Variants in GDAP1 observed in about 807,000 individuals in gnomAD.
The protein encoded by GDAP1 is ganglioside induced differentiation associated protein 1, also known as ganglioside-induced differentiation-associated protein 1.
A neutral mutation model predicts 40.1 loss-of-function variants in GDAP1; 34 were observed. The observed-to-expected ratio is 0.85, with a 90% CI of 0.64 to 1.13. The LOEUF is 1.13. Among genes scored for constraint, GDAP1 ranks in the 50% most tolerant of loss-of-function variants. The pLI is 0.00. For missense variants in GDAP1, 374 were observed against 433.7 expected (o/e 0.86, Z 1.22); for synonymous variants, 170 against 157.4 (o/e 1.08, Z -0.60).
chr8:74,390,174 T>C (rs1810086266), intron 2 of GDAP1, among the ~76,000 whole-genome samples: 1 of 152,240 alleles, frequency 6.6e-6, no homozygotes. Context: ...TTCTGAAGCC[T>C]ACTTCTGTCA....
chr8:74,379,737 C>A (rs1809918216), intron 2 of GDAP1, among the ~76,000 whole-genome samples: 1 of 152,078 alleles, frequency 6.6e-6, no homozygotes, highest in African/African-American at 2.4e-5. Context: ...CAAGCTGGTC[C>A]TCTTTTGTGG....
intron 2 of GDAP1, among the ~76,000 whole-genome samples, chr8:74,355,818 A>G: frequency 6.6e-6 from 1 of 152,120 alleles, no homozygotes; most frequent in East Asian, 1.9e-4. Flanking sequence ...TTCATGTCTT[A>G]TGTCTAGATA....
At chr8:74,355,590 A>C (rs1386132958) in intron 2 of GDAP1, among the ~76,000 whole-genome samples, 2 of 152,328 alleles carry the variant, frequency 1.3e-5, no homozygotes, top group African/African-American at 4.8e-5. Context: ...GAAAGAATGG[A>C]TGTGACAAGG....
intron 2 of GDAP1, among the ~76,000 whole-genome samples, chr8:74,392,140 C>T (rs1202644136): frequency 2.0e-5 from 3 of 152,082 alleles, no homozygotes; most frequent in Non-Finnish European, 4.4e-5. Flanking sequence ...TTTAATAATA[C>T]ATATTGATTT....
chr8:74,487,432 A>T (rs922553222), intron 2 of GDAP1, among the ~76,000 whole-genome samples: 4 of 152,178 alleles, frequency 2.6e-5, no homozygotes, highest in African/African-American at 9.7e-5. Context: ...GGGAATTAAA[A>T]CTTCTTTGTC....
At position 74,412,706 on chromosome 8, in the gene GDAP1, A is replaced by G. The variant is rs1032507941; in HGVS notation, c.165+61385A>G. ...GGGCAAAGAAACAACAAGGTGAATA[A>G]CAAGATGAAATAAACACTTAAACAT... On this transcript the variant is annotated intron_variant, in intron 2 of 2. Transcript: ENST00000523640. Among the ~76,000 whole-genome samples the G allele has an allele frequency of 8.0e-5, 12 of 149,960 alleles. 1 individual carries two copies. The highest frequency in any genetic ancestry group is 3.1e-4 in the African/African-American group (12 of 39,292).
At position 74,399,742 on chromosome 8, in the gene GDAP1, A is replaced by T. The variant is rs1204683326; in HGVS notation, c.165+48421A>T. On this transcript the variant is annotated intron_variant, in intron 2 of 2. Coordinates refer to the GDAP1 transcript ENST00000523640. ...TTGAATGCGTCCCAGAGATTCTGGT[A>T]TGTTGTGTCTTTGTTCTCGTTGGTT... Among the ~76,000 whole-genome samples, 117 of 119,716 alleles carry T rather than the reference A, an allele frequency of 9.8e-4. 2 individuals carry two copies. The Middle Eastern group carries it at 0.015, about 15-fold the overall frequency. The allele number at this position is 119,716 out of a possible 152,430, so 78.5% of individuals were successfully genotyped here.
At chr8:74,416,268 G>C (rs1233009506) in intron 2 of GDAP1, among the ~76,000 whole-genome samples, 1 of 149,990 alleles carries the variant, frequency 6.7e-6, no homozygotes, top group Non-Finnish European at 1.5e-5. Flanking sequence ...TAACACAAAG[G>C]ACAGAAACTT....
intron 2 of GDAP1, among the ~76,000 whole-genome samples, chr8:74,447,337 G>T (rs1054278031): frequency 1.3e-5 from 2 of 152,012 alleles, no homozygotes; most frequent in Non-Finnish European, 2.9e-5. Flanking sequence ...TATTAAAGCT[G>T]GGAAATAGAA....
chr8:74,448,279 C>T (rs1806257729), intron 2 of GDAP1, among the ~76,000 whole-genome samples: 1 of 151,992 alleles, frequency 6.6e-6, no homozygotes, highest in Non-Finnish European at 1.5e-5. Flanking sequence ...TCATTTGCTC[C>T]ACGTAATATT....
At chr8:74,479,193 A>C (rs2128721402) in intron 2 of GDAP1, among the ~76,000 whole-genome samples, 1 of 152,216 alleles carries the variant, frequency 6.6e-6, no homozygotes, top group East Asian at 1.9e-4. Context: ...ACTTTCTTGA[A>C]ATTTTGCTTA....
chr8:74,447,782 A>G (rs1334940723), intron 2 of GDAP1, among the ~76,000 whole-genome samples: 4 of 152,304 alleles, frequency 2.6e-5, no homozygotes, highest in African/African-American at 9.6e-5. Flanking sequence ...TGGTGGTTCA[A>G]TGAATGCAAA....
chr8:74,467,368 G>T (rs998670018), intron 2 of GDAP1, among the ~76,000 whole-genome samples: 1 of 152,182 alleles, frequency 6.6e-6, no homozygotes, highest in African/African-American at 2.4e-5. Context: ...AGCTTCCCTG[G>T]TTCAAGTGTG....
Position 74,417,155 on chromosome 8 carries a change from C to T in GDAP1, c.165+65834C>T, listed in dbSNP as rs1021320629. The stretch of plus-strand genomic sequence containing the variant: ...TATTAACAGTGTAAAGAAGAAAATC[C>T]ACATAACCAAAAGAATTGATGCAGA... On this transcript the variant is annotated intron_variant, in intron 2 of 2. Coordinates refer to the GDAP1 transcript ENST00000523640. Among the ~76,000 whole-genome samples, 4 of 149,328 alleles carry T rather than the reference C, an allele frequency of 2.7e-5. 1 individual carries two copies. The highest frequency in any genetic ancestry group is 1.0e-4 in the African/African-American group (4 of 38,860).
intron 2 of GDAP1, among the ~76,000 whole-genome samples, chr8:74,397,388 T>C (rs967821375): frequency 6.6e-6 from 1 of 152,146 alleles, no homozygotes; most frequent in Non-Finnish European, 1.5e-5. Context: ...ATTTTGGCTT[T>C]TGTTGCCGTT....
chr8:74,454,899 C>T (rs1391619168), intron 2 of GDAP1, among the ~76,000 whole-genome samples: 1 of 147,062 alleles, frequency 6.8e-6, no homozygotes, highest in East Asian at 2.0e-4. Flanking sequence ...ACACATTCAT[C>T]TTCTTTAGAT....
intron 2 of GDAP1, among the ~76,000 whole-genome samples, chr8:74,440,849 C>T (rs1436016051): frequency 6.6e-6 from 1 of 152,062 alleles, no homozygotes; most frequent in Non-Finnish European, 1.5e-5. Flanking sequence ...TTATAAGCAG[C>T]AGAGACAGTT....
chr8:74,356,163 A>G (rs535069496), intron 2 of GDAP1, among the ~76,000 whole-genome samples: 12 of 152,328 alleles, frequency 7.9e-5, no homozygotes, highest in African/African-American at 2.6e-4. Context: ...TGGAGAAAAT[A>G]TACCATATGG....
At chr8:74,431,416 T>C (rs1294695297) in intron 2 of GDAP1, among the ~76,000 whole-genome samples, 1 of 152,132 alleles carries the variant, frequency 6.6e-6, no homozygotes, top group African/African-American at 2.4e-5. Context: ...GTAATGAATA[T>C]TATGGGCATT....
Sources: allele counts gnomAD v4.1 joint callset (sites outside exome capture counted in the v4.1 genomes callset), GRCh38; gene constraint gnomAD v4.1.1; transcripts MANE v1.5; gene names NCBI Gene and HGNC (gene_info 2026-07-23, HGNC 2026-07-21).